The following TTC7B variants were observed in gnomAD, a reference collection of about 807,000 sequenced individuals.
TTC7B encodes the protein tetratricopeptide repeat protein 7B.
TTC7B carries 28 observed loss-of-function variants against 106.8 expected under a neutral mutation model. That is an observed-to-expected ratio of 0.26 (90% CI 0.19 to 0.36). The LOEUF (loss-of-function observed/expected upper bound fraction) is 0.36, where lower values mean the gene tolerates loss of function less well. TTC7B is among the 10% of genes least tolerant of loss of function. TTC7B has a pLI of 1.00. For missense variants in TTC7B, 862 were observed against 1,076.4 expected, an observed-to-expected ratio of 0.80 and a Z score of 2.79; for synonymous variants, 405 against 430.6, an observed-to-expected ratio of 0.94 and a Z score of 0.74.
intron 15 of TTC7B, among the ~76,000 whole-genome samples, chr14:90,629,234 T>A (rs911655755): frequency 2.5e-5 from 3 of 118,406 alleles, no homozygotes. Flanking sequence ...TTCCCTGTTC[T>A]CAGGTTCCTT....
chr14:90,767,123 GCAGGAGCATCGCTTGAGCC>G, intron 3 of TTC7B: 1 of 596,750 alleles, frequency 1.7e-6, no homozygotes, highest in East Asian at 2.8e-5. Context: ...GGAGGCTGAG[GCAGGAGCATCGCTTGAGCC>G]CAGGAGCTCA....
chr14:90,799,075 C>T (rs907302652), intron 1 of TTC7B, among the ~76,000 whole-genome samples: 1 of 152,166 alleles, frequency 6.6e-6, no homozygotes, highest in African/African-American at 2.4e-5. Flanking sequence ...TCTGCGATCA[C>T]TACCGAGAGC....
In TTC7B at chr14:90,541,600, CAG is replaced by C. The variant is rs145392805; in HGVS notation, c.2311-13_2311-12del. 44,878 of 1,330,020 alleles carry C rather than the reference CAG, an allele frequency of 0.034. No homozygotes were observed. Among genetic ancestry groups the C allele is most frequent in the South Asian group, 0.064 (4,571 of 70,942 alleles). The allele number at this position is 1,330,020 out of a possible 1,614,324, so 82.4% of individuals were successfully genotyped here. ...GTGAAGGATCAGGGCCTGGAGAGGT[CAG>C]AGAGAGAGAGAGACAGTCAGCCATG... is the stretch of plus-strand genomic sequence containing the variant. On this transcript the variant is annotated splice_polypyrimidine_tract_variant and intron_variant, in intron 19 of 19. Coordinates refer to ENST00000328459, the MANE Select transcript of TTC7B (RefSeq NM_001010854.2).
intron 19 of TTC7B, among the ~76,000 whole-genome samples, chr14:90,576,004 G>T (rs1940918884): frequency 6.6e-6 from 1 of 152,038 alleles, no homozygotes; most frequent in Non-Finnish European, 1.5e-5. Context: ...GCTCCCTCGT[G>T]CTGGGTCAAC....
chr14:90,588,402 C>G (rs1566785501), intron 18 of TTC7B, among the ~76,000 whole-genome samples: 1 of 152,208 alleles, frequency 6.6e-6, no homozygotes, highest in Non-Finnish European at 1.5e-5. Context: ...AAATTAACCA[C>G]CTACCGCAAA....
At position 90,766,952 on chromosome 14, in the gene TTC7B, G is replaced by A. The variant is rs540647713; in HGVS notation, c.445+13786C>T. On this transcript the variant is annotated intron_variant, in intron 3 of 19. Transcript: ENST00000328459. Reference sequence around the variant, plus strand: ...AGTCAGCACACCAAGACCACTGGCCGCCATGGCCGCACTGTGGGTGTGTCC... The same window carrying A: ...AGTCAGCACACCAAGACCACTGGCCACCATGGCCGCACTGTGGGTGTGTCC... 87 of 1,478,318 alleles carry A rather than the reference G, an allele frequency of 5.9e-5. No homozygotes were observed. In the Middle Eastern group the frequency reaches 7.2e-4, roughly 12 times the overall value. 91.6% of individuals were successfully genotyped at this position (1,478,318 alleles called of 1,614,324 possible).
In TTC7B at chr14:90,578,346, C is replaced by T; in HGVS notation, c.2108-38G>A. The T allele has an allele frequency of 1.3e-6, 2 of 1,598,200 alleles. No individual in the cohort carries two copies. The highest frequency in any genetic ancestry group is 1.7e-6 in the Non-Finnish European group (2 of 1,171,388). Reference sequence around the variant, plus strand: ...AGCAACGGCACATGCTTTCCTGGTGCCCCTCTGAGGCCCTGCGAGCAGCCA... The same window carrying T: ...AGCAACGGCACATGCTTTCCTGGTGTCCCTCTGAGGCCCTGCGAGCAGCCA... On this transcript the variant is annotated intron_variant, in intron 18 of 19. Coordinates refer to ENST00000328459, the MANE Select transcript of TTC7B (RefSeq NM_001010854.2). The surrounding 1 kb of genome is among the most constrained non-coding windows in gnomAD (Gnocchi z 4.7).
At chr14:90,636,427 T>TAA (rs71117365) in intron 15 of TTC7B, among the ~76,000 whole-genome samples, 3 of 99,880 alleles carry the variant, frequency 3.0e-5, no homozygotes, top group South Asian at 3.4e-4. Flanking sequence ...AACGATGTGG[T>TAA]AAAAAAAAAA....
At chr14:90,758,569 G>A (rs1031955686) in intron 3 of TTC7B, among the ~76,000 whole-genome samples, 1 of 152,228 alleles carries the variant, frequency 6.6e-6, no homozygotes, top group African/African-American at 2.4e-5. Context: ...CTAGAACGCG[G>A]CTCCCGCGAC....
chr14:90,651,500 G>C (rs997281817), intron 13 of TTC7B, among the ~76,000 whole-genome samples: 17 of 152,252 alleles, frequency 1.1e-4, no homozygotes, highest in African/African-American at 3.9e-4. Flanking sequence ...TAGAGAGCCA[G>C]TAAGATGTGC....
chr14:90,775,333 C>G (rs1206060021), intron 3 of TTC7B, among the ~76,000 whole-genome samples: 1 of 152,142 alleles, frequency 6.6e-6, no homozygotes, highest in Non-Finnish European at 1.5e-5. Context: ...CCCTGCACAA[C>G]CCTGTAAGGT....
chr14:90,569,633 G>C (rs1240086482), intron 19 of TTC7B: 1 of 152,234 alleles, frequency 6.6e-6, no homozygotes. Flanking sequence ...GTGTGAGTCT[G>C]TTTCTCAGAG....
chr14:90,808,599 G>T lies in TTC7B; in HGVS notation c.121+7576C>A, dbSNP rs1000768940. ...CAGCCACTCCATTAGCTTTCCTGTG[G>T]CTGTGGCCGTCTTTCATATTTTATA... On this transcript the variant is annotated intron_variant, in intron 1 of 19. Transcript: ENST00000328459. The surrounding 1 kb of genome is among the most constrained non-coding windows in gnomAD (Gnocchi z 4.2). Among the ~76,000 whole-genome samples the T allele has an allele frequency of 2.0e-5, 3 of 152,138 alleles. No homozygotes were observed. Among genetic ancestry groups the T allele is most frequent in the African/African-American group, 7.2e-5 (3 of 41,436 alleles).
chr14:90,604,205 G>GA (rs1244352745), intron 17 of TTC7B, among the ~76,000 whole-genome samples: 1 of 152,164 alleles, frequency 6.6e-6, no homozygotes, highest in African/African-American at 2.4e-5. Flanking sequence ...TTCTAGAATG[G>GA]GAAGATCCCA....
chr14:90,679,143 TAA>T (rs1491556631), intron 8 of TTC7B, among the ~76,000 whole-genome samples: 2 of 152,172 alleles, frequency 1.3e-5, no homozygotes, highest in Non-Finnish European at 2.9e-5. Flanking sequence ...GACACCACCC[TAA>T]GTTATCAGCT....
intron 1 of TTC7B, among the ~76,000 whole-genome samples, chr14:90,799,740 C>T (rs183775274): frequency 2.2e-4 from 34 of 152,300 alleles, no homozygotes; most frequent in African/African-American, 7.9e-4. Flanking sequence ...TAAGCACAGA[C>T]TGTGGCAAGG....
chr14:90,707,661 G>A (rs1465062284), intron 5 of TTC7B, among the ~76,000 whole-genome samples: 1 of 152,178 alleles, frequency 6.6e-6, no homozygotes, highest in Non-Finnish European at 1.5e-5. Flanking sequence ...TAGGGAAAAA[G>A]TCTGCATGGT....
rs1889371348 is a variant in TTC7B at position 90,534,610 on chromosome 14, G to A, written c.*6758C>T. The A allele has an allele frequency of 6.5e-6, 1 of 152,828 alleles. No homozygotes were observed. Among genetic ancestry groups the A allele is most frequent in the Non-Finnish European group, 1.5e-5 (1 of 68,490 alleles). 9.5% of individuals were successfully genotyped at this position (152,828 alleles called of 1,614,324 possible). The stretch of plus-strand genomic sequence containing the variant: ...GAGGTGGTGGGGGAGGAGCAGGAAT[G>A]AGAAGGTGGCGATATGGAGAGAGGG... On this transcript the variant is annotated 3_prime_UTR_variant, in exon 20 of 20. Transcript: ENST00000328459.
rs191112571 is a variant in TTC7B at position 90,588,176 on chromosome 14, C to T, written c.2107+5310G>A. Reference sequence around the variant, plus strand: ...CAAGGCTACGGGATTACCCCTTGACCCTGCTGATGCAACCTCTGGTGCCTG... The same window carrying T: ...CAAGGCTACGGGATTACCCCTTGACTCTGCTGATGCAACCTCTGGTGCCTG... On this transcript the variant is annotated intron_variant, in intron 18 of 19. Coordinates refer to ENST00000328459, the MANE Select transcript of TTC7B (RefSeq NM_001010854.2). Among the ~76,000 whole-genome samples, 352 of 152,312 alleles carry T rather than the reference C, an allele frequency of 2.3e-3. 1 individual carries two copies. Among genetic ancestry groups the T allele is most frequent in the Non-Finnish European group, 4.2e-3 (288 of 68,026 alleles).
Sources: allele counts gnomAD v4.1 joint callset (sites outside exome capture counted in the v4.1 genomes callset), GRCh38; gene constraint gnomAD v4.1.1; non-coding constraint Gnocchi (gnomAD v3.1); transcripts MANE v1.5; gene names NCBI Gene and HGNC (gene_info 2026-07-23, HGNC 2026-07-21).